GON4L: variants seen among roughly 807,000 people sequenced by gnomAD.
GON4L encodes gon-4 like.
A neutral mutation model predicts 211.8 loss-of-function variants in GON4L; 87 were observed. The observed-to-expected ratio is 0.41, with a 90% confidence interval of 0.35 to 0.49. The LOEUF (loss-of-function observed/expected upper bound fraction) is 0.49, where lower values mean the gene tolerates loss of function less well. Among genes scored for constraint, GON4L ranks in the 20% least tolerant of loss-of-function variants. GON4L has a pLI of 0.15. For synonymous variants in GON4L, 875 were observed against 962.6 expected, an observed-to-expected ratio of 0.91 and a Z score of 1.68; for missense variants, 2,155 against 2,659.5, an observed-to-expected ratio of 0.81 and a Z score of 4.17.
intron 12 of GON4L, among the ~76,000 whole-genome samples, chr1:155,786,058 T>C (rs1664911277): frequency 6.6e-6 from 1 of 151,886 alleles, no homozygotes; most frequent in Non-Finnish European, 1.5e-5. Flanking sequence ...ACTGCGCCAC[T>C]GCACTCCAGC....
downstream of GON4L, chr1:155,747,818 G>A (rs757869443): frequency 5.6e-6 from 9 of 1,604,492 alleles, no homozygotes; most frequent in African/African-American, 2.7e-5. Flanking sequence ...GCGCGAAGGC[G>A]GCAGAGCTGC....
At chr1:155,831,727 G>C (rs1669794186) in intron 2 of GON4L, 1 of 151,450 alleles carries the variant, frequency 6.6e-6, no homozygotes, top group Non-Finnish European at 1.5e-5. Flanking sequence ...TGGTGGTGCA[G>C]GTCTGTAGTC....
chr1:155,775,228 G>A (rs397762662), intron 16 of GON4L, 55 bp from the exon 17 acceptor site: 15 of 1,610,420 alleles, frequency 9.3e-6, no homozygotes, highest in South Asian at 2.2e-5. Flanking sequence ...ATTAATACCA[G>A]TAGCCTTCAG....
rs1354301648 is a variant in GON4L at position 155,822,311 on chromosome 1, G to A, written c.863C>T (p.Ala288Val). ...EDGAKQHNLT[A>V]VNVRNILHEV... ...ATGAAGGATGTTTCGGACATTGACT[G>A]CTGTTAGATTGTGCTGCTTGGCACC... Residue 288 changes from alanine (A) to valine (V), a missense_variant, in exon 4 of 32, where the codon GCA becomes GTA. Transcript: ENST00000368331. The A allele has an allele frequency of 1.2e-6, 2 of 1,613,854 alleles. No homozygotes were observed. The highest frequency in any genetic ancestry group is 2.2e-5 in the East Asian group (1 of 44,900).
intron 8 of GON4L, among the ~76,000 whole-genome samples, chr1:155,815,492 T>C (rs1173025887): frequency 2.6e-5 from 4 of 151,882 alleles, no homozygotes; most frequent in Non-Finnish European, 5.9e-5. Flanking sequence ...AGGGAGGTGA[T>C]TGTGACTGGG....
downstream of GON4L, chr1:155,748,047 C>A (rs188894304): frequency 6.2e-7 from 1 of 1,607,340 alleles, no homozygotes; most frequent in African/African-American, 1.3e-5. Context: ...GCTCACAGCT[C>A]TCGTCTGCCC....
rs1226632555 is a variant in GON4L, at chr1:155,782,695, CAG to C, written c.1892+1289_1892+1290del. On this transcript the variant is annotated intron_variant, in intron 14 of 31. Coordinates refer to ENST00000368331, the MANE Select transcript of GON4L (RefSeq NM_001282860.2). The stretch of plus-strand genomic sequence containing the variant: ...TTTATTTTATTTTATTTTTTTGAGA[CAG>C]AGTCTCTCTCTGTCAAGCAGGCTGT... 2.6e-5 allele frequency among the ~76,000 whole-genome samples: 4 copies of C among 151,962 alleles called. No homozygotes were observed. The East Asian group carries it at 5.8e-4, about 22-fold the overall frequency.
intron 2 of GON4L, among the ~76,000 whole-genome samples, chr1:155,839,798 A>G (rs926187245): frequency 2.6e-5 from 4 of 152,214 alleles, no homozygotes; most frequent in Admixed American, 6.6e-5. Context: ...TTAAAAGTGG[A>G]ATCTTTCTAA....
intron 13 of GON4L, chr1:155,784,884 A>C (rs774820207): frequency 1.1e-5 from 3 of 284,218 alleles, no homozygotes; most frequent in Non-Finnish European, 1.4e-5. Flanking sequence ...GGCCCAAGGC[A>C]GGAAAATTGC....
intron 2 of GON4L, among the ~76,000 whole-genome samples, chr1:155,852,533 A>T (rs1210115778): frequency 6.6e-6 from 1 of 150,550 alleles, no homozygotes; most frequent in African/African-American, 2.4e-5. Flanking sequence ...CGAGGTCAGG[A>T]GACTGAGACC....
At chr1:155,754,857 AAG>A (rs1457023145) in intron 27 of GON4L, among the ~76,000 whole-genome samples, 1 of 149,986 alleles carries the variant, frequency 6.7e-6, no homozygotes, top group Non-Finnish European at 1.5e-5. Context: ...GAGGAAGCTA[AAG>A]TTGTGAGCCA....
chr1:155,786,827 C>T (rs991127686), intron 12 of GON4L, among the ~76,000 whole-genome samples: 1 of 151,924 alleles, frequency 6.6e-6, no homozygotes, highest in African/African-American at 2.4e-5. Flanking sequence ...AGGCTGGTCT[C>T]AAACTCCTGG....
In GON4L at chr1:155,772,636, T is replaced by C. The variant is rs376247677; in HGVS notation, c.2495+430A>G. On this transcript the variant is annotated intron_variant, in intron 18 of 31. Transcript: ENST00000368331. The stretch of plus-strand genomic sequence containing the variant: ...AGCCATGTATGGTGGCACACGCCTG[T>C]GGTCTCAGCTGCTCCGTGGAGGCTG... Among the ~76,000 whole-genome samples the C allele has an allele frequency of 3.3e-5, 5 of 151,084 alleles. No individual in the cohort carries two copies. In the East Asian group the frequency reaches 9.7e-4, roughly 29 times the overall value.
intron 11 of GON4L, among the ~76,000 whole-genome samples, chr1:155,795,663 A>G (rs1416405528): frequency 2.6e-5 from 4 of 152,012 alleles, no homozygotes; most frequent in Non-Finnish European, 5.9e-5. Context: ...TTTTTGAGAC[A>G]GGGTCTCACT....
At chr1:155,810,008 A>ATT (rs1553210715) in intron 10 of GON4L, among the ~76,000 whole-genome samples, 1 of 107,920 alleles carries the variant, frequency 9.3e-6, no homozygotes, top group Non-Finnish European at 1.9e-5. Flanking sequence ...ATATATATAT[A>ATT]TTTTTGAAAT....
At chr1:155,794,581 T>C (rs531488808) in intron 12 of GON4L, among the ~76,000 whole-genome samples, 1 of 152,320 alleles carries the variant, frequency 6.6e-6, no homozygotes, top group African/African-American at 2.4e-5. Context: ...AAATTTCTTA[T>C]TCCTCCTTCA....
In GON4L at chr1:155,760,596, G is replaced by A; in HGVS notation, c.4957C>T (p.Leu1653Phe). ...QHIPGKYEDF[L>F]QVIYEFESST... ...GACTCAAATTCATAGATGACTTGAA[G>A]GAAGTCTTCATACTTGCCAGGGATA... The change falls in exon 24 of 32, where the codon CTT becomes TTT. Residue 1653 changes from leucine to phenylalanine, a missense_variant. Around this residue, in one of 6 missense-constraint regions of GON4L, gnomAD observed 455 missense variants for 504.6 expected, o/e 0.90. Coordinates refer to ENST00000368331, the MANE Select transcript of GON4L (RefSeq NM_001282860.2). The A allele has an allele frequency of 1.9e-6, 3 of 1,613,542 alleles. No homozygotes were observed. The highest frequency in any genetic ancestry group is 1.1e-5 in the South Asian group (1 of 91,076).
rs914453902 is a variant in GON4L at position 155,785,395 on chromosome 1, A to G, written c.1748-21T>C. Reference sequence around the variant, plus strand: ...CTTTTCTGCAAGAAAGCCAGACAGTATATTGTTGGTATAAATTAGATTTTA... The same window carrying G: ...CTTTTCTGCAAGAAAGCCAGACAGTGTATTGTTGGTATAAATTAGATTTTA... On this transcript the variant is annotated intron_variant, in intron 12 of 31. Coordinates refer to ENST00000368331, the MANE Select transcript of GON4L (RefSeq NM_001282860.2). The G allele has an allele frequency of 2.6e-6, 4 of 1,552,550 alleles. No homozygotes were observed. In the African/African-American group the frequency reaches 5.4e-5, roughly 21 times the overall value.
At chr1:155,790,322 A>G (rs1665403375) in intron 12 of GON4L, among the ~76,000 whole-genome samples, 1 of 150,864 alleles carries the variant, frequency 6.6e-6, no homozygotes, top group Admixed American at 6.6e-5. Flanking sequence ...CTGGTCTCGA[A>G]CTCCTGACCT....
Sources: gnomAD v4.1 joint callset for allele counts (sites outside exome capture counted in the v4.1 genomes callset) on GRCh38, gnomAD v4.1.1 for gene constraint, gnomAD v4.1.1 regional missense constraint, MANE v1.5 for transcripts, NCBI Gene and HGNC (gene_info 2026-07-23, HGNC 2026-07-21) for gene names.